The following SLC67A1 variants were observed in gnomAD, a reference collection of about 807,000 sequenced individuals.
SLC67A1 encodes the protein solute carrier family 67 member A1.
chr11:2,904,812 G>A, the SLC67A1 span, among the ~76,000 whole-genome samples: 13 of 152,370 alleles, frequency 8.5e-5, no homozygotes, highest in East Asian at 2.1e-3. Context: ...GGGCTGGAAG[G>A]AAGCAGGAGA....
chr11:2,924,590 C>T, the SLC67A1 span, among the ~76,000 whole-genome samples: 81 of 152,314 alleles, frequency 5.3e-4, no homozygotes, highest in African/African-American at 1.9e-3. The surrounding 1 kb of genome is among the most constrained non-coding windows in gnomAD (Gnocchi z 8.6). Context: ...GCCCCAGGCA[C>T]AGATGCCATC....
the SLC67A1 span, among the ~76,000 whole-genome samples, chr11:2,905,337 G>A: frequency 6.6e-6 from 1 of 152,212 alleles, no homozygotes; most frequent in Admixed American, 6.5e-5. Context: ...AAGCCACGAA[G>A]GCAACTGTCA....
At chr11:2,909,634 G>T in the SLC67A1 span, 1 of 1,534,472 alleles carries the variant, frequency 6.5e-7, no homozygotes. Flanking sequence ...CGCGGCCCTG[G>T]GCCGGCTGGG....
chr11:2,909,478 T>C, the SLC67A1 span: 17 of 724,214 alleles, frequency 2.3e-5, 1 homozygote, highest in South Asian at 5.7e-4. Context: ...TGGACGGGGG[T>C]GGGGGGCGAC....
At chr11:2,918,749 G>A in the SLC67A1 span, among the ~76,000 whole-genome samples, 2 of 152,018 alleles carry the variant, frequency 1.3e-5, no homozygotes, top group Non-Finnish European at 2.9e-5. Flanking sequence ...CCAGGCTGGA[G>A]TGCAGTGGTA....
At chr11:2,901,442 C>T in the SLC67A1 span, among the ~76,000 whole-genome samples, 3 of 152,230 alleles carry the variant, frequency 2.0e-5, no homozygotes, top group Admixed American at 6.5e-5. Flanking sequence ...CTGGTTTTGA[C>T]ATTTGAGCCT....
chr11:2,916,901 T>C, the SLC67A1 span: 1 of 627,502 alleles, frequency 1.6e-6, no homozygotes, highest in South Asian at 2.0e-5. Flanking sequence ...GCTGACATCA[T>C]AGAAGCCAAG....
the SLC67A1 span, chr11:2,915,399 C>A: frequency 4.1e-6 from 1 of 242,862 alleles, no homozygotes; most frequent in East Asian, 1.8e-4. Context: ...GGTGCAAGGG[C>A]ATCTTCCAGG....
At chr11:2,908,251 G>A in the SLC67A1 span, 6 of 1,613,770 alleles carry the variant, frequency 3.7e-6, no homozygotes, top group African/African-American at 5.3e-5. Context: ...TCGGAAACTG[G>A]GCCTGGATTC....
chr11:2,904,731 G>A, the SLC67A1 span, among the ~76,000 whole-genome samples: 2 of 152,234 alleles, frequency 1.3e-5, no homozygotes, highest in South Asian at 2.1e-4. Context: ...CGGAGCTGGG[G>A]GTCCACACGC....
chr11:2,922,912 C>T, the SLC67A1 span, among the ~76,000 whole-genome samples: 89 of 152,238 alleles, frequency 5.8e-4, no homozygotes, highest in South Asian at 1.0e-3. Context: ...TCCCCCAGCA[C>T]GGGGAGTGGG....
chr11:2,906,471 A>C, the SLC67A1 span, among the ~76,000 whole-genome samples: 1 of 152,222 alleles, frequency 6.6e-6, no homozygotes, highest in Non-Finnish European at 1.5e-5. Flanking sequence ...AACCAACCCA[A>C]ATGTCCATCA....
chr11:2,909,511 G>T, the SLC67A1 span: 1 of 1,452,996 alleles, frequency 6.9e-7, no homozygotes. Flanking sequence ...TTGTGGAGGG[G>T]CGGGTCAGGG....
the SLC67A1 span, chr11:2,899,894 C>T: frequency 3.4e-6 from 2 of 590,750 alleles, no homozygotes; most frequent in African/African-American, 3.7e-5. Flanking sequence ...TAACTCATCC[C>T]ATCTCCTCCT....
chr11:2,924,462 G>C, the SLC67A1 span, among the ~76,000 whole-genome samples: 1 of 152,152 alleles, frequency 6.6e-6, no homozygotes, highest in African/African-American at 2.4e-5. The surrounding 1 kb of genome is among the most constrained non-coding windows in gnomAD (Gnocchi z 8.6). Flanking sequence ...AAGCCCCAAC[G>C]GTGTCTCACA....
chr11:2,908,543 G>C, the SLC67A1 span, among the ~76,000 whole-genome samples: 6 of 152,340 alleles, frequency 3.9e-5, no homozygotes, highest in Non-Finnish European at 7.4e-5. Flanking sequence ...ACTCCTGCCT[G>C]TGGCCAGAGA....
the SLC67A1 span, among the ~76,000 whole-genome samples, chr11:2,904,901 C>T: frequency 6.6e-6 from 1 of 152,194 alleles, no homozygotes; most frequent in Non-Finnish European, 1.5e-5. Flanking sequence ...CCACCTGCTG[C>T]TCAAAGAACT....
the SLC67A1 span, among the ~76,000 whole-genome samples, chr11:2,922,721 T>A: frequency 5.1e-5 from 6 of 118,704 alleles, no homozygotes; most frequent in African/African-American, 2.2e-4. Context: ...GGGGTCTGTG[T>A]GGGATGAGTA....
chr11:2,921,333 T>C, the SLC67A1 span: 2 of 152,066 alleles, frequency 1.3e-5, no homozygotes, highest in Admixed American at 1.3e-4. Flanking sequence ...TTGGAAGCAG[T>C]TTCTGTTCTG....
Sources: gnomAD v4.1 joint callset for allele counts (sites outside exome capture counted in the v4.1 genomes callset) on GRCh38, gnomAD v4.1.1 for gene constraint, Gnocchi (gnomAD v3.1) non-coding constraint, MANE v1.5 for transcripts, NCBI Gene and HGNC (gene_info 2026-07-23, HGNC 2026-07-21) for gene names.